Variants in SPAG16 observed in about 807,000 individuals in gnomAD.
The protein encoded by SPAG16 is sperm associated antigen 16.
Under a neutral mutation model 80.4 loss-of-function variants are expected in SPAG16, and 86 were observed. That is an observed-to-expected ratio of 1.07 (90% confidence interval 0.90 to 1.28). SPAG16 has a LOEUF of 1.28. Among genes scored for constraint, SPAG16 ranks in the 50% most tolerant of loss-of-function variants. The pLI is 0.00. For synonymous variants in SPAG16, 294 were observed against 265.9 expected (o/e 1.11, Z -1.03); for missense variants, 870 against 765.3 (o/e 1.14, Z -1.61).
chr2:213,458,326 G>T (rs1274211937), intron 9 of SPAG16, among the ~76,000 whole-genome samples: 1 of 151,964 alleles, frequency 6.6e-6, no homozygotes, highest in African/African-American at 2.4e-5. Context: ...ACAGGACTTT[G>T]GTAGGTCGAG....
intron 15 of SPAG16, among the ~76,000 whole-genome samples, chr2:214,329,731 T>C (rs1322886124): frequency 6.6e-6 from 1 of 152,200 alleles, no homozygotes; most frequent in African/African-American, 2.4e-5. Context: ...AAGCCCTACC[T>C]TCAGGATTTT....
At chr2:213,322,099 A>AAAT (rs1559408880) in intron 5 of SPAG16, among the ~76,000 whole-genome samples, 16 of 148,060 alleles carry the variant, frequency 1.1e-4, no homozygotes, top group African/African-American at 2.0e-4. Context: ...AATAAATAAA[A>AAAT]AAAAGTAAAA....
intron 6 of SPAG16, among the ~76,000 whole-genome samples, chr2:213,346,165 T>G (rs867660422): frequency 1.3e-5 from 2 of 152,190 alleles, no homozygotes; most frequent in Non-Finnish European, 2.9e-5. Flanking sequence ...AGTTCACTCA[T>G]GATTTGGCTC....
chr2:214,169,935 A>T (rs976983071), intron 15 of SPAG16, among the ~76,000 whole-genome samples: 2 of 152,064 alleles, frequency 1.3e-5, no homozygotes, highest in Non-Finnish European at 2.9e-5. Flanking sequence ...CTGCCCACTC[A>T]GTAGGACTTA....
intron 11 of SPAG16, among the ~76,000 whole-genome samples, chr2:213,895,096 A>T (rs2076944481): frequency 6.6e-6 from 1 of 151,934 alleles, no homozygotes; most frequent in Non-Finnish European, 1.5e-5. Context: ...ATCAACATAC[A>T]AAAATCAATA....
intron 11 of SPAG16, among the ~76,000 whole-genome samples, chr2:213,928,731 G>T (rs1184223725): frequency 6.6e-6 from 1 of 152,138 alleles, no homozygotes; most frequent in East Asian, 1.9e-4. Flanking sequence ...CGTAGAAACA[G>T]AGATGAAATG....
chr2:213,837,517 C>T (rs547846885), intron 10 of SPAG16, among the ~76,000 whole-genome samples: 3 of 152,342 alleles, frequency 2.0e-5, no homozygotes, highest in African/African-American at 7.2e-5. Context: ...TTCTTTCTTA[C>T]AGCCCCGGTA....
At chr2:213,638,461 CAAATCAATT>C (rs2062455620) in intron 10 of SPAG16, among the ~76,000 whole-genome samples, 1 of 152,090 alleles carries the variant, frequency 6.6e-6, no homozygotes. Context: ...TCATTCAGTT[CAAATCAATT>C]TTTAATTTCC....
chr2:213,972,524 G>T (rs2045128084), intron 12 of SPAG16, among the ~76,000 whole-genome samples: 1 of 152,072 alleles, frequency 6.6e-6, no homozygotes, highest in Admixed American at 6.6e-5. Context: ...TCTCATTTTT[G>T]CTCTATTTGT....
intron 10 of SPAG16, among the ~76,000 whole-genome samples, chr2:213,597,076 A>T (rs1003350762): frequency 2.6e-5 from 4 of 152,186 alleles, no homozygotes; most frequent in Admixed American, 2.6e-4. Flanking sequence ...AATAAAATTG[A>T]TATGAGAATA....
intron 10 of SPAG16, among the ~76,000 whole-genome samples, chr2:213,806,412 G>A (rs1181646743): frequency 6.6e-6 from 1 of 152,080 alleles, no homozygotes; most frequent in African/African-American, 2.4e-5. Flanking sequence ...AAACAATTTG[G>A]ATATTTGTAA....
intron 10 of SPAG16, among the ~76,000 whole-genome samples, chr2:213,749,132 G>A (rs894390918): frequency 9.9e-5 from 15 of 152,144 alleles, no homozygotes; most frequent in African/African-American, 3.6e-4. Context: ...GGGTGACAGA[G>A]TGAGACTCTC....
intron 10 of SPAG16, among the ~76,000 whole-genome samples, chr2:213,572,750 C>G (rs908549609): frequency 6.6e-6 from 1 of 152,108 alleles, no homozygotes; most frequent in African/African-American, 2.4e-5. Flanking sequence ...CCTCCTTGAG[C>G]TGTGGTGGGC....
At chr2:213,644,943 T>C (rs905830138) in intron 10 of SPAG16, among the ~76,000 whole-genome samples, 1 of 152,328 alleles carries the variant, frequency 6.6e-6, no homozygotes, top group Admixed American at 6.5e-5. Flanking sequence ...TTCTTCAGGG[T>C]GGCGATGTCC....
At chr2:213,609,160 A>G (rs533303213) in intron 10 of SPAG16, among the ~76,000 whole-genome samples, 61 of 152,340 alleles carry the variant, frequency 4.0e-4, no homozygotes, top group African/African-American at 1.3e-3. Flanking sequence ...AACATTATCC[A>G]CTGAATTTTT....
chr2:214,106,180 T>A (rs962839671), intron 13 of SPAG16, among the ~76,000 whole-genome samples: 3 of 152,168 alleles, frequency 2.0e-5, no homozygotes, highest in Non-Finnish European at 2.9e-5. Flanking sequence ...TGTAAAAATA[T>A]TACCACTCAG....
At chr2:213,892,387 A>G (rs968983106) in intron 11 of SPAG16, among the ~76,000 whole-genome samples, 1 of 152,194 alleles carries the variant, frequency 6.6e-6, no homozygotes, top group Admixed American at 6.6e-5. Context: ...TAATCTTTCA[A>G]TGCAAAGACA....
rs1470972023 is a variant in SPAG16, at chr2:213,340,150, A to G, written c.537-13A>G. 3 of 1,509,502 alleles carry G rather than the reference A, an allele frequency of 2.0e-6. No homozygotes were observed. Among genetic ancestry groups the G allele is most frequent in the Non-Finnish European group, 9.1e-7 (1 of 1,101,790 alleles). 93.5% of individuals were successfully genotyped at this position (1,509,502 alleles called of 1,614,324 possible). ...ATTAGCAGTGATTTATAAAGTTACTATTTTTTTTTCAGCAAAGCTAGAGAA... is the reference window on the plus strand; with the variant it reads ...ATTAGCAGTGATTTATAAAGTTACTGTTTTTTTTTCAGCAAAGCTAGAGAA... On this transcript the variant is annotated splice_polypyrimidine_tract_variant and intron_variant, in intron 5 of 15. Coordinates refer to ENST00000331683, the MANE Select transcript of SPAG16 (RefSeq NM_024532.5).
intron 11 of SPAG16, among the ~76,000 whole-genome samples, chr2:213,909,170 G>A (rs1367212688): frequency 6.6e-5 from 10 of 152,086 alleles, no homozygotes; most frequent in Non-Finnish European, 1.5e-4. Flanking sequence ...CAACTTACAA[G>A]GGAAGTGAAG....
Sources: allele counts gnomAD v4.1 joint callset (sites outside exome capture counted in the v4.1 genomes callset), GRCh38; gene constraint gnomAD v4.1.1; transcripts MANE v1.5; gene names NCBI Gene and HGNC (gene_info 2026-07-23, HGNC 2026-07-21).